The following METTL4 variants were observed in gnomAD, a reference collection of about 807,000 sequenced individuals.
METTL4 encodes the protein N(6)-adenine-specific methyltransferase METTL4.
In METTL4, 40 loss-of-function variants were observed where a neutral mutation model predicts 54.0. The observed-to-expected ratio is 0.74, with a 90% CI of 0.58 to 0.96. The LOEUF (loss-of-function observed/expected upper bound fraction) is 0.96, where lower values mean the gene tolerates loss of function less well. Ranked by LOEUF, METTL4 falls within the 50% of genes least tolerant of loss-of-function variation. The pLI, the probability that METTL4 is intolerant of heterozygous loss-of-function variation, is 0.00. For synonymous variants in METTL4, 169 were observed against 183.8 expected (o/e 0.92, Z 0.65); for missense variants, 525 against 549.0 (o/e 0.96, Z 0.44).
At chr18:2,543,363 C>A (rs924465363) in intron 8 of METTL4, among the ~76,000 whole-genome samples, 2 of 152,018 alleles carry the variant, frequency 1.3e-5, no homozygotes, top group African/African-American at 4.8e-5. Context: ...TGAAGAAATC[C>A]TTTGAAAAGT....
intron 6 of METTL4, among the ~76,000 whole-genome samples, chr18:2,545,755 A>C (rs946346082): frequency 2.6e-5 from 4 of 152,062 alleles, no homozygotes; most frequent in Non-Finnish European, 5.9e-5. Flanking sequence ...ATCCTACAAA[A>C]AGTGCTGTAT....
intron 3 of METTL4, chr18:2,561,655 CA>C (rs1439951853): frequency 1.3e-5 from 2 of 152,156 alleles, no homozygotes; most frequent in Admixed American, 6.5e-5. Context: ...ACCGGATAGT[CA>C]AACCTCTAAA....
intron 2 of METTL4, among the ~76,000 whole-genome samples, chr18:2,564,230 C>T (rs1163688646): frequency 6.8e-6 from 1 of 146,436 alleles, no homozygotes; most frequent in Non-Finnish European, 1.5e-5. Context: ...GGTGAAACCC[C>T]ATCTCTACTA....
chr18:2,562,071 T>TA (rs893743517), intron 3 of METTL4: 36 of 151,848 alleles, frequency 2.4e-4, no homozygotes, highest in Admixed American at 2.2e-3. Flanking sequence ...TGGCTATGAT[T>TA]AAAAAAAAGG....
rs2644172 is a variant in METTL4 at position 2,545,320 on chromosome 18, A to T, written c.1075-561T>A. Among the ~76,000 whole-genome samples the T allele has an allele frequency of 5.6e-3, 851 of 152,286 alleles. 6 individuals are homozygous for T. Among genetic ancestry groups the T allele is most frequent in the Non-Finnish European group, 6.5e-3 (443 of 67,960 alleles). ...TTTATTAGTTCATGCAAATAAACTA[A>T]TAAATGAATTACTAATGAACTAATA... On this transcript the variant is annotated intron_variant, in intron 6 of 8. Coordinates refer to ENST00000574538, the MANE Select transcript of METTL4 (RefSeq NM_022840.5).
At chr18:2,547,210 A>C (rs1391388611) in intron 6 of METTL4, 145 bp downstream of exon 6, 3 of 531,010 alleles carry the variant, frequency 5.6e-6, no homozygotes, top group Non-Finnish European at 8.9e-6. Flanking sequence ...TAAAAATATA[A>C]AAGTGGTAAG....
Position 2,544,221 on chromosome 18 carries a change from A to C in METTL4, c.1247T>G (p.Leu416Arg), listed in dbSNP as rs1470687104. The C allele has an allele frequency of 6.2e-7, 1 of 1,611,256 alleles. No individual in the cohort carries two copies. Among genetic ancestry groups the C allele is most frequent in the African/African-American group, 1.3e-5 (1 of 74,838 alleles). The change falls in exon 8 of 9, where the codon CTT becomes CGT. Residue 416 changes from leucine (L) to arginine (R), a missense_variant. Coordinates refer to ENST00000574538, the MANE Select transcript of METTL4 (RefSeq NM_022840.5). ...AGCAAGCGGTGGCTTATGTGAGTGA[A>C]GAGTACAGGGCACGCTGACAATTAA... ...HKLIVSVPCT[L>R]HSHKPPLAEV...
At chr18:2,558,355 C>T (rs2072268508) in intron 3 of METTL4, among the ~76,000 whole-genome samples, 1 of 151,958 alleles carries the variant, frequency 6.6e-6, no homozygotes, top group Non-Finnish European at 1.5e-5. Context: ...TAGAACACTT[C>T]TAAATAATTC....
At chr18:2,560,902 T>G (rs2072307497) in intron 3 of METTL4, among the ~76,000 whole-genome samples, 1 of 152,012 alleles carries the variant, frequency 6.6e-6, no homozygotes, top group African/African-American at 2.4e-5. Context: ...AGTAGAACAT[T>G]TTAAAAATAG....
chr18:2,569,989 C>T (rs1201456188), intron 1 of METTL4, among the ~76,000 whole-genome samples: 3 of 152,162 alleles, frequency 2.0e-5, no homozygotes, highest in Non-Finnish European at 4.4e-5. Flanking sequence ...AAAAGAGTCA[C>T]CAGGGTTATT....
chr18:2,547,220 G>A, intron 6 of METTL4, 135 bp downstream of exon 6: 3 of 585,396 alleles, frequency 5.1e-6, no homozygotes. Flanking sequence ...AAAGTGGTAA[G>A]CAGCAAAGCA....
rs747034658 is a variant in METTL4 at position 2,567,142 on chromosome 18, T to C, written c.75A>G (p.Gln25=). ...HLSFINKINY[Q]LHQHHEPCCR... Reference sequence around the variant, plus strand: ...AACAAGGTTCATGATGCTGGTGAAGTTGATAGTTTATCTTGTTGATAAAAG... The same window carrying C: ...AACAAGGTTCATGATGCTGGTGAAGCTGATAGTTTATCTTGTTGATAAAAG... Residue 25 remains glutamine, a synonymous_variant, in exon 2 of 9, where the codon CAA becomes CAG. Coordinates refer to ENST00000574538, the MANE Select transcript of METTL4 (RefSeq NM_022840.5). The C allele has an allele frequency of 1.6e-5, 26 of 1,613,960 alleles. No individual in the cohort carries two copies. Among genetic ancestry groups the C allele is most frequent in the Non-Finnish European group, 2.0e-5 (24 of 1,180,010 alleles).
chr18:2,569,818 A>G (rs908197084), intron 1 of METTL4, among the ~76,000 whole-genome samples: 9 of 152,070 alleles, frequency 5.9e-5, no homozygotes, highest in Non-Finnish European at 1.2e-4. Flanking sequence ...TCACCACCCA[A>G]CACTTTCCAC....
intron 5 of METTL4, among the ~76,000 whole-genome samples, chr18:2,550,958 A>T (rs1442275330): frequency 1.3e-5 from 2 of 151,664 alleles, no homozygotes; most frequent in Non-Finnish European, 2.9e-5. Context: ...AGGTCAGGAG[A>T]TCGAGACCAT....
intron 2 of METTL4, among the ~76,000 whole-genome samples, chr18:2,565,707 A>G (rs988665901): frequency 6.6e-6 from 1 of 152,166 alleles, no homozygotes; most frequent in Non-Finnish European, 1.5e-5. Flanking sequence ...ATCACTCTGC[A>G]TACAATGGCA....
chr18:2,547,964 T>C (rs1009935974), intron 5 of METTL4, among the ~76,000 whole-genome samples: 3 of 152,106 alleles, frequency 2.0e-5, no homozygotes, highest in East Asian at 1.9e-4. Context: ...TGTTGCAAAA[T>C]TGGTAATGCT....
intron 8 of METTL4, chr18:2,540,795 C>A (rs961503155): frequency 8.1e-6 from 8 of 985,400 alleles, no homozygotes; most frequent in Non-Finnish European, 8.4e-6. Flanking sequence ...TCAGGTTACG[C>A]TGAAGAAAGG....
chr18:2,561,609 G>A (rs2072318951), intron 3 of METTL4: 1 of 152,202 alleles, frequency 6.6e-6, no homozygotes, highest in Non-Finnish European at 1.5e-5. Context: ...AAAGAGGAGT[G>A]ATGAGAAAAG....
At chr18:2,557,288 G>C (rs1190124657) in intron 3 of METTL4, among the ~76,000 whole-genome samples, 3 of 151,926 alleles carry the variant, frequency 2.0e-5, no homozygotes, top group Non-Finnish European at 4.4e-5. Context: ...ATCAGAAGCT[G>C]GGAAAATGAG....
Sources: gnomAD v4.1 joint callset for allele counts (sites outside exome capture counted in the v4.1 genomes callset) on GRCh38, gnomAD v4.1.1 for gene constraint, MANE v1.5 for transcripts, NCBI Gene and HGNC (gene_info 2026-07-23, HGNC 2026-07-21) for gene names.